Variants in RABGAP1L observed in about 807,000 individuals in gnomAD.
The protein encoded by RABGAP1L is RAB GTPase activating protein 1 like.
Under a neutral mutation model 137.7 loss-of-function variants are expected in RABGAP1L, and 63 were observed. The observed-to-expected ratio is 0.46, with a 90% CI of 0.37 to 0.56. The LOEUF is 0.56. Among genes scored for constraint, RABGAP1L ranks in the 20% least tolerant of loss-of-function variants. The probability of loss-of-function intolerance (pLI) is 0.00; values close to 1 mark genes in which losing one functional copy is unlikely to be tolerated. For missense variants in RABGAP1L, 1,095 were observed against 1,244.0 expected (o/e 0.88, Z 1.80); for synonymous variants, 431 against 433.7 (o/e 0.99, Z 0.08).
rs184003888 is a variant in RABGAP1L at position 174,940,342 on chromosome 1, C to T, written c.2341-17115C>T. On this transcript the variant is annotated intron_variant, in intron 19 of 25. Transcript: ENST00000681986. ...TGCAGTTGCACGATCAATCATAGCT[C>T]ACTGCAACCTCAAACTTATGGGCTT... is the stretch of plus-strand genomic sequence containing the variant. Among the ~76,000 whole-genome samples the T allele has an allele frequency of 2.7e-3, 406 of 151,462 alleles. 3 individuals carry two copies. The highest frequency in any genetic ancestry group is 9.4e-3 in the African/African-American group (390 of 41,308).
At chr1:174,217,933 T>G (rs1052345497) in intron 1 of RABGAP1L, among the ~76,000 whole-genome samples, 1 of 152,136 alleles carries the variant, frequency 6.6e-6, no homozygotes, top group Non-Finnish European at 1.5e-5. Flanking sequence ...GCTATACTTA[T>G]AGGCTATAAT....
At chr1:174,412,480 G>A (rs890784005) in intron 13 of RABGAP1L, among the ~76,000 whole-genome samples, 1 of 152,030 alleles carries the variant, frequency 6.6e-6, no homozygotes, top group African/African-American at 2.4e-5. Flanking sequence ...TATTGATAAT[G>A]TGAGATTTTG....
chr1:174,730,909 A>C (rs1262139933), intron 17 of RABGAP1L, among the ~76,000 whole-genome samples: 1 of 152,212 alleles, frequency 6.6e-6, no homozygotes, highest in African/African-American at 2.4e-5. Flanking sequence ...ATGAAATCTT[A>C]TGTATAAGGA....
chr1:174,173,317 A>T (rs1665564051), intron 1 of RABGAP1L, among the ~76,000 whole-genome samples: 2 of 151,788 alleles, frequency 1.3e-5, no homozygotes, highest in Admixed American at 1.3e-4. Flanking sequence ...TTTAGTAGAG[A>T]TGGCGTTTCT....
chr1:174,743,702 C>A (rs1683640291), intron 17 of RABGAP1L, among the ~76,000 whole-genome samples: 1 of 151,878 alleles, frequency 6.6e-6, no homozygotes, highest in African/African-American at 2.4e-5. Flanking sequence ...AAAAAAAATT[C>A]TTCTCAGAGT....
intron 13 of RABGAP1L, among the ~76,000 whole-genome samples, chr1:174,573,018 C>A (rs1333564582): frequency 6.7e-6 from 1 of 150,012 alleles, no homozygotes; most frequent in Non-Finnish European, 1.5e-5. Flanking sequence ...TTGCCAAAGT[C>A]ATTTATCTAG....
In RABGAP1L at chr1:174,260,889, CTCTG is replaced by C. The variant is rs1673525823; in HGVS notation, c.986+8303_986+8306del. Among the ~76,000 whole-genome samples, 8 of 151,186 alleles carry C rather than the reference CTCTG, an allele frequency of 5.3e-5. No homozygotes were observed. The South Asian group carries it at 1.7e-3, about 31-fold the overall frequency. On this transcript the variant is annotated intron_variant, in intron 7 of 25. Coordinates refer to ENST00000681986, the MANE Select transcript of RABGAP1L (RefSeq NM_001366446.1). Reference sequence around the variant, plus strand: ...ATTTTTTCAGTCTTTGCCATTAGTGCTCTGTCTAGTTGATTTTTTTTTTTGCCAA... The same window carrying C: ...ATTTTTTCAGTCTTTGCCATTAGTGCTCTAGTTGATTTTTTTTTTTGCCAA...
At chr1:174,682,461 A>T (rs1037371786) in intron 14 of RABGAP1L, among the ~76,000 whole-genome samples, 3 of 64,192 alleles carry the variant, frequency 4.7e-5, no homozygotes, top group African/African-American at 5.1e-4. Context: ...AAGTTGTTTA[A>T]AAAAAAAAAA....
In RABGAP1L at chr1:174,761,685, C is replaced by T. The variant is rs182326267; in HGVS notation, c.2211+9331C>T. Among the ~76,000 whole-genome samples, 161 of 152,236 alleles carry T rather than the reference C, an allele frequency of 1.1e-3. 1 individual carries two copies. The highest frequency in any genetic ancestry group is 3.6e-3 in the African/African-American group (149 of 41,552). ...ACAGAGGCATTCCTCACTTCCCAGA[C>T]GGTGGAAACTCCCGTTTTTAAAACA... On this transcript the variant is annotated intron_variant, in intron 18 of 25. Transcript: ENST00000681986. The surrounding 1 kb of genome is among the most constrained non-coding windows in gnomAD (Gnocchi z 4.0).
intron 24 of RABGAP1L, among the ~76,000 whole-genome samples, chr1:174,983,365 A>T (rs1013737571): frequency 6.6e-5 from 10 of 152,194 alleles, no homozygotes; most frequent in Admixed American, 1.3e-4. Flanking sequence ...AAGTTTTTAG[A>T]GGTTTATTTT....
intron 12 of RABGAP1L, among the ~76,000 whole-genome samples, chr1:174,385,092 G>C (rs183451321): frequency 2.3e-3 from 347 of 152,274 alleles, no homozygotes; most frequent in Admixed American, 3.9e-3. Flanking sequence ...GTGAAAAATG[G>C]ATTATAAGGG....
chr1:174,815,974 G>A (rs1690352290), intron 19 of RABGAP1L, among the ~76,000 whole-genome samples: 1 of 152,050 alleles, frequency 6.6e-6, no homozygotes, highest in South Asian at 2.1e-4. Flanking sequence ...TTCCCAGGGA[G>A]TCAGTTTTTA....
intron 17 of RABGAP1L, among the ~76,000 whole-genome samples, chr1:174,738,217 C>T (rs902728424): frequency 2.0e-5 from 3 of 152,110 alleles, no homozygotes; most frequent in Non-Finnish European, 4.4e-5. Context: ...CACAAGGCGC[C>T]TGGGAAATTA....
intron 12 of RABGAP1L, among the ~76,000 whole-genome samples, chr1:174,387,739 A>ATTTTTTT: frequency 6.6e-6 from 1 of 151,920 alleles, no homozygotes; most frequent in Non-Finnish European, 1.5e-5. Context: ...TTCAGTGTAC[A>ATTTTTTT]TTTTTTTCAG....
chr1:174,449,784 G>C (rs6425281), intron 13 of RABGAP1L, among the ~76,000 whole-genome samples: 88,510 of 152,062 alleles, frequency 0.58, 28,070 homozygotes, highest in African/African-American at 0.85. Context: ...TTTTTATAAT[G>C]TTCTCTGCAG....
Position 174,482,122 on chromosome 1 carries a change from G to A in RABGAP1L, c.1710+87977G>A, listed in dbSNP as rs568249799. Among the ~76,000 whole-genome samples the A allele has an allele frequency of 5.3e-5, 8 of 152,204 alleles. No homozygotes were observed. In the South Asian group the frequency reaches 1.7e-3, roughly 32 times the overall value. ...GATCTCATCCCTTGCTTTAAAGATG[G>A]AAGAAAAGAACCATGAGCAAGGAAT... On this transcript the variant is annotated intron_variant, in intron 13 of 25. Transcript: ENST00000681986.
At chr1:174,606,528 G>A (rs1349781186) in intron 13 of RABGAP1L, among the ~76,000 whole-genome samples, 2 of 152,130 alleles carry the variant, frequency 1.3e-5, no homozygotes, top group African/African-American at 4.8e-5. Context: ...TCTTTATTTG[G>A]CATTTGATCA....
intron 6 of RABGAP1L, among the ~76,000 whole-genome samples, chr1:174,251,341 G>T (rs753794621): frequency 6.7e-6 from 1 of 149,186 alleles, no homozygotes; most frequent in Admixed American, 6.7e-5. Flanking sequence ...TATATGGTTT[G>T]ACCACCACTT....
chr1:174,308,724 T>C (rs1238189324), intron 11 of RABGAP1L, among the ~76,000 whole-genome samples: 2 of 152,130 alleles, frequency 1.3e-5, no homozygotes, highest in African/African-American at 4.8e-5. Flanking sequence ...TTTATCCCAT[T>C]GGTCTATATG....
Sources: allele counts gnomAD v4.1 joint callset (sites outside exome capture counted in the v4.1 genomes callset), GRCh38; gene constraint gnomAD v4.1.1; non-coding constraint Gnocchi (gnomAD v3.1); transcripts MANE v1.5; gene names NCBI Gene and HGNC (gene_info 2026-07-23, HGNC 2026-07-21).